PCNX1: variants seen among roughly 807,000 people sequenced by gnomAD.
PCNX1 encodes the protein pecanex-like protein 1.
Under a neutral mutation model 242.2 loss-of-function variants are expected in PCNX1, and 78 were observed. That is an observed-to-expected ratio of 0.32 (90% confidence interval 0.27 to 0.39). The LOEUF is 0.39. PCNX1 is among the 10% of genes least tolerant of loss of function. PCNX1 has a pLI of 1.00. For missense variants in PCNX1, 2,581 were observed against 2,856.5 expected, an observed-to-expected ratio of 0.90 and a Z score of 2.20; for synonymous variants, 1,024 against 1,032.9, an observed-to-expected ratio of 0.99 and a Z score of 0.17.
At chr14:70,963,545 A>T (rs1282159969) in intron 3 of PCNX1, among the ~76,000 whole-genome samples, 5 of 152,220 alleles carry the variant, frequency 3.3e-5, no homozygotes, top group Admixed American at 3.3e-4. Context: ...GAACAATGTT[A>T]TGAAAAACAC....
At chr14:70,939,787 A>G (rs1013912531) in intron 1 of PCNX1, among the ~76,000 whole-genome samples, 5 of 151,972 alleles carry the variant, frequency 3.3e-5, no homozygotes, top group African/African-American at 1.2e-4. Context: ...GGTCTCTAAG[A>G]GCTTGCTTTA....
intron 2 of PCNX1, among the ~76,000 whole-genome samples, chr14:70,956,697 A>C (rs1471707544): frequency 3.3e-5 from 5 of 152,216 alleles, no homozygotes; most frequent in African/African-American, 1.2e-4. Flanking sequence ...AAATAAAGAA[A>C]GAACAGATAT....
intron 18 of PCNX1, among the ~76,000 whole-genome samples, chr14:71,035,862 T>G (rs2060515421): frequency 6.6e-6 from 1 of 151,980 alleles, no homozygotes; most frequent in Admixed American, 6.6e-5. Context: ...TGAGCCAAAA[T>G]TGTCCCACTG....
chr14:70,939,292 C>T (rs992665249), intron 1 of PCNX1, among the ~76,000 whole-genome samples: 1 of 152,232 alleles, frequency 6.6e-6, no homozygotes, highest in East Asian at 1.9e-4. Flanking sequence ...TCCCTCTACA[C>T]ACTGCTTTAA....
intron 2 of PCNX1, among the ~76,000 whole-genome samples, chr14:70,949,129 T>TTC (rs2057621839): frequency 1.6e-5 from 2 of 122,744 alleles, no homozygotes; most frequent in African/African-American, 5.5e-5. Flanking sequence ...TGTATATATG[T>TTC]ACATATACAC....
chr14:70,992,799 C>T (rs956271085), intron 7 of PCNX1, among the ~76,000 whole-genome samples: 4 of 152,060 alleles, frequency 2.6e-5, no homozygotes, highest in African/African-American at 9.7e-5. Context: ...TTATTTGTAC[C>T]ATTATTAGTT....
At chr14:71,009,764 A>G (rs750806337) in intron 9 of PCNX1, 40 bp downstream of exon 9, 3 of 1,179,788 alleles carry the variant, frequency 2.5e-6, no homozygotes, top group South Asian at 1.5e-5. Context: ...GTACTTTCAT[A>G]TGTTTGCCAT....
intron 30 of PCNX1, among the ~76,000 whole-genome samples, chr14:71,094,931 TA>T (rs1165319600): frequency 1.3e-5 from 2 of 151,856 alleles, no homozygotes; most frequent in African/African-American, 2.4e-5. Context: ...ACCTTGTCTC[TA>T]AAAAAAACCC....
At chr14:71,066,211 C>T (rs1034869240) in intron 26 of PCNX1, among the ~76,000 whole-genome samples, 2 of 152,082 alleles carry the variant, frequency 1.3e-5, no homozygotes, top group Non-Finnish European at 2.9e-5. Flanking sequence ...GGCAGTATGG[C>T]CATTTTCACA....
chr14:70,912,625 C>T (rs917105253), intron 1 of PCNX1, among the ~76,000 whole-genome samples: 2 of 151,800 alleles, frequency 1.3e-5, no homozygotes, highest in African/African-American at 4.8e-5. Flanking sequence ...TTATCCCCCA[C>T]CCCTTGCTTT....
At position 71,026,275 on chromosome 14, in the gene PCNX1, G is replaced by T; in HGVS notation, c.3342G>T (p.Arg1114Ser). 1 of 1,594,694 alleles carries T rather than the reference G, an allele frequency of 6.3e-7. No homozygotes were observed. Among genetic ancestry groups the T allele is most frequent in the Non-Finnish European group, 8.6e-7 (1 of 1,169,114 alleles). Residue 1114 changes from arginine (R) to serine (S), a missense_variant, in exon 14 of 36, where the codon AGG becomes AGT. This residue lies in a region of PCNX1 where 432 missense variants were observed against 443.1 expected (regional missense o/e 0.97). Transcript: ENST00000304743. ...FTNPLVFISA[R>S]DLVIVFTLCF... Reference sequence around the variant, plus strand: ...ATCCACTGGTGTTTATATCAGCCAGGGATTTAGTTATAGGTGAGTCATCTT... The same window carrying T: ...ATCCACTGGTGTTTATATCAGCCAGTGATTTAGTTATAGGTGAGTCATCTT...
At chr14:71,055,076 G>A (rs1027326819) in intron 24 of PCNX1, among the ~76,000 whole-genome samples, 2 of 152,182 alleles carry the variant, frequency 1.3e-5, no homozygotes, top group African/African-American at 4.8e-5. Flanking sequence ...AGAGCCTTAG[G>A]TTCTGTGGAC....
At chr14:70,943,193 C>A (rs2057325565) in intron 1 of PCNX1, among the ~76,000 whole-genome samples, 1 of 152,082 alleles carries the variant, frequency 6.6e-6, no homozygotes, top group Non-Finnish European at 1.5e-5. Context: ...TGAAAAGATA[C>A]CCAAAAATGT....
chr14:71,101,916 T>C, intron 30 of PCNX1, 74 bp from the exon 31 acceptor site: 2 of 768,494 alleles, frequency 2.6e-6, no homozygotes, highest in Non-Finnish European at 4.0e-6. Context: ...TTTAAGAACT[T>C]TCACTTAGTA....
chr14:71,051,280 A>G (rs1205062042), intron 23 of PCNX1, among the ~76,000 whole-genome samples: 1 of 152,088 alleles, frequency 6.6e-6, no homozygotes, highest in African/African-American at 2.4e-5. Context: ...ATCTGAACAT[A>G]AGAAAACTAT....
chr14:71,078,550 T>G (rs763454553), intron 28 of PCNX1: 1 of 152,252 alleles, frequency 6.6e-6, no homozygotes, highest in Non-Finnish European at 1.5e-5. Flanking sequence ...GAATTCTTGG[T>G]GAGAATTTCT....
chr14:70,981,935 G>GT (rs1185757697), intron 6 of PCNX1, among the ~76,000 whole-genome samples: 2 of 151,990 alleles, frequency 1.3e-5, no homozygotes, highest in African/African-American at 4.8e-5. Context: ...TTTCTGAATT[G>GT]TTTAACTTCT....
intron 8 of PCNX1, among the ~76,000 whole-genome samples, chr14:71,002,927 G>A (rs2059546416): frequency 6.6e-6 from 1 of 151,998 alleles, no homozygotes; most frequent in Non-Finnish European, 1.5e-5. Context: ...GGTATAGAAT[G>A]GTAACTCATT....
At chr14:71,004,668 A>G (rs1056674584) in intron 8 of PCNX1, among the ~76,000 whole-genome samples, 1 of 152,192 alleles carries the variant, frequency 6.6e-6, no homozygotes, top group Non-Finnish European at 1.5e-5. Context: ...AAGCAGCAAT[A>G]TAGTGAGTAA....
Sources: allele counts gnomAD v4.1 joint callset (sites outside exome capture counted in the v4.1 genomes callset), GRCh38; gene constraint gnomAD v4.1.1; regional missense constraint gnomAD v4.1.1; transcripts MANE v1.5; gene names NCBI Gene and HGNC (gene_info 2026-07-23, HGNC 2026-07-21).